The following DLC1 variants were observed in gnomAD, a reference collection of about 807,000 sequenced individuals.
DLC1 encodes the protein rho GTPase-activating protein 7.
A neutral mutation model predicts 140.3 loss-of-function variants in DLC1; 54 were observed. The ratio of observed to expected loss-of-function variants is 0.38; its 90% CI spans 0.31 to 0.48. The LOEUF (loss-of-function observed/expected upper bound fraction) is 0.48. Among genes scored for constraint, DLC1 ranks in the 20% least tolerant of loss-of-function variants. The pLI, the probability that DLC1 is intolerant of heterozygous loss-of-function variation, is 0.96. For synonymous variants in DLC1, 986 were observed against 728.1 expected, an observed-to-expected ratio of 1.35 and a Z score of -5.70; for missense variants, 2,536 against 1,907.0, an observed-to-expected ratio of 1.33 and a Z score of -6.14.
intron 2 of DLC1, among the ~76,000 whole-genome samples, chr8:13,480,577 C>A (rs1800683928): frequency 6.6e-6 from 1 of 152,056 alleles, no homozygotes; most frequent in South Asian, 2.1e-4. Flanking sequence ...TGATAATAGT[C>A]ATTAGATAGA....
intron 4 of DLC1, among the ~76,000 whole-genome samples, chr8:13,379,867 C>T (rs117046440): frequency 0.012 from 1,872 of 152,144 alleles, 20 homozygotes; most frequent in South Asian, 0.033. Flanking sequence ...AAACTGGAAA[C>T]CATCATTCTC....
chr8:13,482,950 C>G (rs1000625868), intron 2 of DLC1, among the ~76,000 whole-genome samples: 1 of 152,176 alleles, frequency 6.6e-6, no homozygotes, highest in African/African-American at 2.4e-5. Context: ...TGAGGCTGCT[C>G]TAACAAATCA....
chr8:13,571,973 T>G (rs577450240), intron 1 of DLC1, among the ~76,000 whole-genome samples: 64 of 152,322 alleles, frequency 4.2e-4, no homozygotes, highest in Middle Eastern at 6.8e-3. Context: ...CTAAACAGTT[T>G]TTCATGTGAT....
intron 4 of DLC1, among the ~76,000 whole-genome samples, chr8:13,342,905 A>G (rs1361135521): frequency 6.6e-6 from 1 of 151,846 alleles, no homozygotes; most frequent in Non-Finnish European, 1.5e-5. Context: ...GAGAATCCTA[A>G]TACAACATAC....
intron 2 of DLC1, among the ~76,000 whole-genome samples, chr8:13,487,010 T>G (rs1217408391): frequency 6.6e-6 from 1 of 152,100 alleles, no homozygotes; most frequent in Admixed American, 6.6e-5. Context: ...GTGGATGGGG[T>G]GAGGCAAATT....
At chr8:13,325,428 T>C (rs1008256232) in intron 4 of DLC1, among the ~76,000 whole-genome samples, 13 of 152,088 alleles carry the variant, frequency 8.5e-5, no homozygotes, top group African/African-American at 3.1e-4. Context: ...GGTAAACATG[T>C]TCTGGGACAA....
intron 5 of DLC1, among the ~76,000 whole-genome samples, chr8:13,142,619 A>T (rs1823085269): frequency 6.6e-6 from 1 of 152,054 alleles, no homozygotes; most frequent in Admixed American, 6.5e-5. Flanking sequence ...TATGAGAAAT[A>T]AAAGTTTTTA....
At chr8:13,383,100 C>A (rs1281659475) in intron 4 of DLC1, among the ~76,000 whole-genome samples, 1 of 152,192 alleles carries the variant, frequency 6.6e-6, no homozygotes, top group East Asian at 1.9e-4. Context: ...GAAATCATCT[C>A]ACTTGCAAAC....
chr8:13,467,991 T>C (rs1307686866), intron 2 of DLC1, among the ~76,000 whole-genome samples: 2 of 152,212 alleles, frequency 1.3e-5, no homozygotes, highest in Admixed American at 6.5e-5. Context: ...TTTGCACCTA[T>C]GTTTATGACT....
intron 1 of DLC1, among the ~76,000 whole-genome samples, chr8:13,546,117 A>C (rs1803640707): frequency 6.6e-6 from 1 of 152,076 alleles, no homozygotes; most frequent in Non-Finnish European, 1.5e-5. Flanking sequence ...AAAATCTTGT[A>C]AGGGATATGC....
chr8:13,114,301 G>T (rs1306945105), intron 6 of DLC1, among the ~76,000 whole-genome samples: 2 of 152,230 alleles, frequency 1.3e-5, no homozygotes, highest in African/African-American at 4.8e-5. Context: ...GGCAGAGGTT[G>T]CAGTGAGCCA....
chr8:13,436,429 A>G (rs1839125425), intron 2 of DLC1, among the ~76,000 whole-genome samples: 1 of 152,190 alleles, frequency 6.6e-6, no homozygotes, highest in African/African-American at 2.4e-5. Context: ...GAAATGAGAA[A>G]CCTTGTTAGT....
At position 13,514,789 on chromosome 8, in the gene DLC1, C is replaced by A. The variant is rs1009025168; in HGVS notation, c.-313G>T. On this transcript the variant is annotated 5_prime_UTR_variant, in exon 1 of 18. Coordinates refer to ENST00000276297, the MANE Select transcript of DLC1 (RefSeq NM_182643.3). Reference sequence around the variant, plus strand: ...AAACACCCTCTGCAGCTGGAGGGAGCCTTAGCTAAGGCAGGATCCTGTCAA... The same window carrying A: ...AAACACCCTCTGCAGCTGGAGGGAGACTTAGCTAAGGCAGGATCCTGTCAA... 1.0e-5 allele frequency: 4 copies of A among 396,260 alleles called. No individual in the cohort carries two copies. Among genetic ancestry groups the A allele is most frequent in the Admixed American group, 4.4e-5 (1 of 22,668 alleles). 24.5% of individuals were successfully genotyped at this position (396,260 alleles called of 1,614,324 possible).
chr8:13,397,336 C>G (rs574449162), intron 3 of DLC1, among the ~76,000 whole-genome samples: 1 of 152,034 alleles, frequency 6.6e-6, no homozygotes, highest in African/African-American at 2.4e-5. Context: ...AGAGGAGCCA[C>G]TGAAGGGTCT....
chr8:13,133,081 G>C, intron 5 of DLC1: 1 of 1,533,504 alleles, frequency 6.5e-7, no homozygotes, highest in Non-Finnish European at 8.8e-7. Flanking sequence ...CGAGACGCGC[G>C]CCCTCGCGGT....
intron 1 of DLC1, among the ~76,000 whole-genome samples, chr8:13,555,240 A>C (rs113571734): frequency 3.9e-5 from 6 of 152,182 alleles, no homozygotes; most frequent in African/African-American, 1.2e-4. Flanking sequence ...ATCACATACC[A>C]TCTTCTAGTG....
intron 5 of DLC1, among the ~76,000 whole-genome samples, chr8:13,139,208 T>C (rs569902404): frequency 4.0e-4 from 58 of 145,250 alleles, no homozygotes; most frequent in Non-Finnish European, 7.4e-4. Context: ...GAGGATTGCT[T>C]GAGCCGGGTA....
intron 2 of DLC1, among the ~76,000 whole-genome samples, chr8:13,486,125 A>T (rs1489861350): frequency 6.6e-6 from 1 of 152,208 alleles, no homozygotes; most frequent in Non-Finnish European, 1.5e-5. Flanking sequence ...CACATTTATG[A>T]TAAAAGTCTA....
At chr8:13,464,719 C>A (rs1350999057) in intron 2 of DLC1, among the ~76,000 whole-genome samples, 2 of 135,510 alleles carry the variant, frequency 1.5e-5, no homozygotes. Context: ...TTATTACTTG[C>A]TTTTTTAAAA....
Sources: allele counts gnomAD v4.1 joint callset (sites outside exome capture counted in the v4.1 genomes callset), GRCh38; gene constraint gnomAD v4.1.1; transcripts MANE v1.5; gene names NCBI Gene and HGNC (gene_info 2026-07-23, HGNC 2026-07-21).